The following TCF20 variants were observed in gnomAD, a reference collection of about 807,000 sequenced individuals.
The protein encoded by TCF20 is SPRE-binding protein.
Under a neutral mutation model 148.6 loss-of-function variants are expected in TCF20, and 3 were observed. The observed-to-expected ratio is 0.02, with a 90% CI of 0.01 to 0.05. The LOEUF is 0.05. Among genes scored for constraint, TCF20 ranks in the 10% least tolerant of loss-of-function variants. TCF20 has a pLI of 1.00. For synonymous variants in TCF20, 1,049 were observed against 909.5 expected (o/e 1.15, Z -2.76); for missense variants, 2,350 against 2,429.3 (o/e 0.97, Z 0.69).
intron 5 of TCF20, among the ~76,000 whole-genome samples, chr22:42,167,496 T>TA (rs1213321907): frequency 1.3e-5 from 2 of 152,042 alleles, no homozygotes; most frequent in African/African-American, 4.8e-5. Context: ...CCCCATCCTG[T>TA]AGCAGCAAGT....
chr22:42,310,830 C>T (rs1467816325), intron 1 of TCF20, among the ~76,000 whole-genome samples: 2 of 152,200 alleles, frequency 1.3e-5, no homozygotes, highest in Non-Finnish European at 2.9e-5. Context: ...CTCTGAGAGC[C>T]CAGGAGGGCC....
chr22:42,250,677 T>C (rs542325439), intron 1 of TCF20, among the ~76,000 whole-genome samples: 1 of 152,338 alleles, frequency 6.6e-6, no homozygotes, highest in South Asian at 2.1e-4. Flanking sequence ...GTTAGTATAC[T>C]GAGTGATTAA....
chr22:42,270,616 GT>G lies in TCF20; in HGVS notation c.-315del, dbSNP rs1181624592. 6.9e-6 allele frequency among the ~76,000 whole-genome samples: 1 copy of G among 144,444 alleles called. No homozygotes were observed. The highest frequency in any genetic ancestry group is 2.5e-5 in the African/African-American group (1 of 40,380). 94.8% of individuals were successfully genotyped at this position (144,444 alleles called of 152,430 possible). ...GGGGCCGAAAGCGGCTGGGCTCGGG[GT>G]TTTTTCTCTCCATTCTCCCAACACA... On this transcript the variant is annotated 5_prime_UTR_variant, in exon 1 of 6. The change abolishes the stop of an existing upstream ORF in the 5' untranslated region. Coordinates refer to ENST00000677622, the MANE Select transcript of TCF20 (RefSeq NM_001378418.1).
At chr22:42,336,956 T>C (rs1325799222) in intron 1 of TCF20, among the ~76,000 whole-genome samples, 4 of 152,222 alleles carry the variant, frequency 2.6e-5, no homozygotes, top group Non-Finnish European at 4.4e-5. Flanking sequence ...TCTTCTTCCT[T>C]GCTCACTGTC....
intron 1 of TCF20, among the ~76,000 whole-genome samples, chr22:42,253,756 A>G: frequency 6.6e-6 from 1 of 152,206 alleles, no homozygotes; most frequent in East Asian, 1.9e-4. Context: ...TTCAGAAAGG[A>G]TCCTGAACCA....
chr22:42,183,643 G>C (rs1001428448), intron 2 of TCF20, among the ~76,000 whole-genome samples: 1 of 152,228 alleles, frequency 6.6e-6, no homozygotes, highest in Non-Finnish European at 1.5e-5. Flanking sequence ...ACCTGTGTTG[G>C]ACTTTGAACC....
chr22:42,236,951 A>T (rs897444093), intron 1 of TCF20, among the ~76,000 whole-genome samples: 1 of 152,170 alleles, frequency 6.6e-6, no homozygotes, highest in Admixed American at 6.5e-5. Context: ...AGGGAGTCCT[A>T]ATCTTTTTGC....
At chr22:42,198,537 C>A (rs1441456109) in intron 2 of TCF20, among the ~76,000 whole-genome samples, 2 of 152,020 alleles carry the variant, frequency 1.3e-5, no homozygotes, top group African/African-American at 4.8e-5. Flanking sequence ...TAAGCCATCT[C>A]TAGATTATGT....
intron 2 of TCF20, among the ~76,000 whole-genome samples, chr22:42,206,675 G>C (rs546347882): frequency 6.6e-6 from 1 of 152,280 alleles, no homozygotes; most frequent in African/African-American, 2.4e-5. Flanking sequence ...TGGAGACAGG[G>C]AAGGAGGCAC....
chr22:42,323,863 G>GTGGTGGTGGTGGTGGCGGAGGTTA lies in TCF20; in HGVS notation c.-37+19615_-37+19616insTAACCTCCGCCACCACCACCACCA, dbSNP rs1569209598. On this transcript the variant is annotated intron_variant, in intron 1 of 1. Transcript: ENST00000515426. ...GGTGGTAGTGGTGATGGAGGTTATG[G>GTGGTGGTGGTGGTGGCGGAGGTTA]TGGTGGTGGTGGTGGTGGTGATGGA... is the stretch of plus-strand genomic sequence containing the variant. Among the ~76,000 whole-genome samples the GTGGTGGTGGTGGTGGCGGAGGTTA allele has an allele frequency of 1.6e-4, 18 of 113,942 alleles. 3 individuals carry two copies. In the South Asian group the frequency reaches 5.5e-3, roughly 35 times the overall value. 74.8% of individuals were successfully genotyped at this position (113,942 alleles called of 152,430 possible). A position where few individuals can be genotyped will look rare whatever the true frequency, so the allele number is the denominator to read the frequency against.
At chr22:42,209,577 A>G (rs535885420) in intron 2 of TCF20, 74 bp downstream of exon 2, 1 of 1,491,376 alleles carries the variant, frequency 6.7e-7, no homozygotes, top group East Asian at 2.3e-5. Flanking sequence ...GTGACATGTA[A>G]GAACAAAAAC....
intron 2 of TCF20, among the ~76,000 whole-genome samples, chr22:42,202,626 A>G (rs1381340191): frequency 2.0e-5 from 3 of 152,206 alleles, no homozygotes; most frequent in African/African-American, 4.8e-5. Context: ...TTTCCAATAA[A>G]TTGGACGAAT....
rs112122652 is a variant in TCF20, at chr22:42,186,112, G to A, written c.5656-6410C>T. ...TGATGTCAGTATGAAACATCAGCCAGCCACTCACTGGCTAAGGGCTAATTG... is the reference window on the plus strand; with the variant it reads ...TGATGTCAGTATGAAACATCAGCCAACCACTCACTGGCTAAGGGCTAATTG... On this transcript the variant is annotated intron_variant, in intron 2 of 5. Coordinates refer to ENST00000677622, the MANE Select transcript of TCF20 (RefSeq NM_001378418.1). Among the ~76,000 whole-genome samples, 29 of 152,320 alleles carry A rather than the reference G, an allele frequency of 1.9e-4. 2 individuals carry two copies. Among genetic ancestry groups the A allele is most frequent in the African/African-American group, 6.3e-4 (26 of 41,566 alleles).
intron 1 of TCF20, among the ~76,000 whole-genome samples, chr22:42,339,158 C>T (rs978687378): frequency 1.6e-4 from 24 of 152,196 alleles, no homozygotes; most frequent in African/African-American, 4.8e-4. Flanking sequence ...GCAGTCGCTG[C>T]ACCCAAGGCT....
At chr22:42,244,177 C>T (rs1337989204) in intron 1 of TCF20, among the ~76,000 whole-genome samples, 1 of 152,196 alleles carries the variant, frequency 6.6e-6, no homozygotes, top group Admixed American at 6.5e-5. Flanking sequence ...GCCCTCCAGC[C>T]TGGGCCACAC....
chr22:42,323,992 GTGGAGGTGGTGGCGGAGGTTA>G (rs1420491003), intron 1 of TCF20, among the ~76,000 whole-genome samples: 5 of 139,448 alleles, frequency 3.6e-5, no homozygotes, highest in Admixed American at 1.4e-4. Flanking sequence ...GGTTATGGTG[GTGGAGGTGGTGGCGGAGGTTA>G]TGGTGGTGGT....
chr22:42,179,410 G>A (rs1216541445), intron 3 of TCF20, among the ~76,000 whole-genome samples, 199 bp downstream of exon 3: 1 of 143,606 alleles, frequency 7.0e-6, no homozygotes, highest in Admixed American at 7.4e-5. Context: ...AAAGAAAACA[G>A]AATAGTGGTT....
chr22:42,270,790 A>G (rs1926583171), upstream of TCF20, among the ~76,000 whole-genome samples: 2 of 144,434 alleles, frequency 1.4e-5, no homozygotes, highest in Middle Eastern at 3.6e-3. Flanking sequence ...GCGCGTGCCC[A>G]CCCGCGTGCG....
chr22:42,222,260 CA>C (rs1922448178), intron 1 of TCF20, among the ~76,000 whole-genome samples: 2 of 152,132 alleles, frequency 1.3e-5, no homozygotes, highest in South Asian at 4.1e-4. Context: ...CAAAGAAAAC[CA>C]TGATCATCCC....
Sources: gnomAD v4.1 joint callset for allele counts (sites outside exome capture counted in the v4.1 genomes callset) on GRCh38, gnomAD v4.1.1 for gene constraint, MANE v1.5 for transcripts, NCBI Gene and HGNC (gene_info 2026-07-23, HGNC 2026-07-21) for gene names.